ETF1: variants seen among roughly 807,000 people sequenced by gnomAD.
ETF1 encodes eukaryotic translation termination factor 1.
ETF1 carries 4 observed loss-of-function variants against 55.1 expected under a neutral mutation model. That is an observed-to-expected ratio of 0.07 (90% CI 0.04 to 0.17). The LOEUF (loss-of-function observed/expected upper bound fraction) is 0.17. ETF1 is among the 10% of genes least tolerant of loss of function. ETF1 has a pLI of 1.00. For synonymous variants in ETF1, 157 were observed against 182.3 expected (o/e 0.86, Z 1.12); for missense variants, 142 against 523.6 (o/e 0.27, Z 7.11).
At chr5:138,508,556 C>T in intron 10 of ETF1, 113 bp downstream of exon 10, 5 of 1,557,350 alleles carry the variant, frequency 3.2e-6, no homozygotes, top group Non-Finnish European at 4.3e-6. Flanking sequence ...CTGCGTCAAT[C>T]ACCTATCCCA....
chr5:138,532,821 G>C (rs1361170548), intron 2 of ETF1, among the ~76,000 whole-genome samples: 6 of 152,160 alleles, frequency 3.9e-5, no homozygotes, highest in African/African-American at 1.4e-4. Flanking sequence ...TGTGGCATGA[G>C]TTCAGTATTC....
At chr5:138,517,505 T>C (rs778345248) in intron 4 of ETF1, 56 bp downstream of exon 4, 10 of 1,120,310 alleles carry the variant, frequency 8.9e-6, no homozygotes, top group Non-Finnish European at 1.3e-5. Flanking sequence ...TGACTGCTAA[T>C]GGGTACGGGG....
rs866327065 is a variant in ETF1, at chr5:138,509,905, A to C, written c.1083+660T>G. On this transcript the variant is annotated intron_variant, in intron 9 of 10. Transcript: ENST00000360541. ...AGCAAACTCCACCTCAAAAAAAAAA[A>C]AAAAAAAAAAAGGGAATGAGGGCTT... Among the ~76,000 whole-genome samples the C allele has an allele frequency of 1.1e-3, 167 of 151,064 alleles. 5 individuals are homozygous for C. In the South Asian group the frequency reaches 0.034, roughly 30 times the overall value.
At chr5:138,536,255 G>T (rs998675450) in intron 2 of ETF1, among the ~76,000 whole-genome samples, 1 of 152,184 alleles carries the variant, frequency 6.6e-6, no homozygotes, top group South Asian at 2.1e-4. Flanking sequence ...GATCTTAGAA[G>T]AACAAATGAA....
At position 138,524,849 on chromosome 5, in the gene ETF1, T is replaced by G. The variant is rs1169053865; in HGVS notation, c.87-5982A>C. Among the ~76,000 whole-genome samples, 4 of 152,168 alleles carry G rather than the reference T, an allele frequency of 2.6e-5. No individual in the cohort carries two copies. The East Asian group carries it at 7.8e-4, about 30-fold the overall frequency. ...CCTTGGCCTCCCAAAGTGCTGGGATTACAGGCATGAGCCACCGTGCCCGGC... is the reference window on the plus strand; with the variant it reads ...CCTTGGCCTCCCAAAGTGCTGGGATGACAGGCATGAGCCACCGTGCCCGGC... On this transcript the variant is annotated intron_variant, in intron 2 of 10. Coordinates refer to ENST00000360541, the MANE Select transcript of ETF1 (RefSeq NM_004730.4).
At chr5:138,513,778 T>C in intron 4 of ETF1, 72 bp from the exon 5 acceptor site, 2 of 1,527,190 alleles carry the variant, frequency 1.3e-6, no homozygotes, top group Non-Finnish European at 1.8e-6. Context: ...TCTGAAAGGA[T>C]ATATACAAGC....
At chr5:138,535,223 T>C (rs1417515517) in intron 2 of ETF1, among the ~76,000 whole-genome samples, 1 of 152,058 alleles carries the variant, frequency 6.6e-6, no homozygotes, top group Non-Finnish European at 1.5e-5. Flanking sequence ...GTACTGGGAT[T>C]ACAGGCATGA....
In ETF1 at chr5:138,508,274, A is replaced by T. The variant is rs762726003; in HGVS notation, c.*31T>A. ...TCCTTGGGTTGGATGCTGGAGGGTGAGGCACGTTTTGCCGGACCCATGTCG... is the reference window on the plus strand; with the variant it reads ...TCCTTGGGTTGGATGCTGGAGGGTGTGGCACGTTTTGCCGGACCCATGTCG... On this transcript the variant is annotated 3_prime_UTR_variant, in exon 11 of 11. Transcript: ENST00000360541. 6.2e-7 allele frequency: 1 copy of T among 1,607,664 alleles called. No homozygotes were observed. Among genetic ancestry groups the T allele is most frequent in the African/African-American group, 1.3e-5 (1 of 74,822 alleles).
Position 138,510,584 on chromosome 5 carries a change from G to C in ETF1, c.1064C>G (p.Ser355Cys). 1 of 1,610,852 alleles carries C rather than the reference G, an allele frequency of 6.2e-7. No homozygotes were observed. Among genetic ancestry groups the C allele is most frequent in the Non-Finnish European group, 8.5e-7 (1 of 1,177,158 alleles). ...YLTPEQEKDK[S>C]HFTDKETGQE... is the part of the protein sequence containing the mutation. ...ACATACCTCTTTGTCTGTGAAATGA[G>C]ATTTATCCTTTTCTTGCTCTGGAGT... is the stretch of plus-strand genomic sequence containing the variant. Residue 355 changes from serine to cysteine, a missense_variant, in exon 9 of 11, where the codon TCT becomes TGT. Physicochemically the swap from Ser to Cys is moderately radical, Grantham distance 112. Coordinates refer to ENST00000360541, the MANE Select transcript of ETF1 (RefSeq NM_004730.4).
intron 4 of ETF1, 30 bp downstream of exon 4, chr5:138,517,531 G>T: frequency 2.1e-6 from 3 of 1,417,534 alleles, no homozygotes; most frequent in East Asian, 2.4e-5. Context: ...ATTCTGGAGC[G>T]ATGAAAATGT....
rs149807719 is a variant in ETF1, at chr5:138,536,947, T to G, written c.86+5886A>C. Among the ~76,000 whole-genome samples the G allele has an allele frequency of 4.6e-5, 7 of 152,320 alleles. No homozygotes were observed. In the East Asian group the frequency reaches 1.3e-3, roughly 29 times the overall value. On this transcript the variant is annotated intron_variant, in intron 2 of 10. Coordinates refer to ENST00000360541, the MANE Select transcript of ETF1 (RefSeq NM_004730.4). ...CTTAAATGATACTCTAATTATGTAC[T>G]CTTGCTTACCTTGCAATATGTCCAG...
chr5:138,536,232 T>A (rs1021066696), intron 2 of ETF1, among the ~76,000 whole-genome samples: 1 of 152,226 alleles, frequency 6.6e-6, no homozygotes, highest in East Asian at 1.9e-4. Flanking sequence ...ACTATGATCA[T>A]TCTTCTAAAG....
chr5:138,522,598 C>CA (rs1765278415), intron 2 of ETF1, among the ~76,000 whole-genome samples: 2 of 150,606 alleles, frequency 1.3e-5, no homozygotes, highest in South Asian at 4.2e-4. Context: ...AAAAACAAAA[C>CA]AAACGAAAAA....
intron 2 of ETF1, among the ~76,000 whole-genome samples, chr5:138,534,072 C>T (rs1055962210): frequency 1.1e-4 from 16 of 152,256 alleles, no homozygotes; most frequent in Admixed American, 8.5e-4. Flanking sequence ...GAGTCAGATG[C>T]TATTACCAAA....
At position 138,512,793 on chromosome 5, in the gene ETF1, C is replaced by T; in HGVS notation, c.703G>A (p.Glu235Lys). The change falls in exon 6 of 11, where the codon GAA becomes AAA. Residue 235 changes from glutamate (E) to lysine (K), a missense_variant. This residue lies in a region of ETF1 where 22 missense variants were observed against 158.7 expected (regional missense o/e 0.14). Coordinates refer to ENST00000360541, the MANE Select transcript of ETF1 (RefSeq NM_004730.4). The stretch of plus-strand genomic sequence containing the variant: ...TCAAACATATCAGATTGACTTAGTT[C>T]AGTTTTAAAGTCAGCGGATCCAGCT... ...VLAGSADFKTELSQSDMFDQR... is the reference protein window; with the variant it reads ...VLAGSADFKTKLSQSDMFDQR... 2 of 1,596,036 alleles carry T rather than the reference C, an allele frequency of 1.3e-6. No individual in the cohort carries two copies. Among genetic ancestry groups the T allele is most frequent in the Non-Finnish European group, 1.7e-6 (2 of 1,173,978 alleles).
At chr5:138,523,666 G>A (rs1765332856) in intron 2 of ETF1, among the ~76,000 whole-genome samples, 2 of 152,202 alleles carry the variant, frequency 1.3e-5, no homozygotes, top group African/African-American at 4.8e-5. Flanking sequence ...ATTGTTAAAG[G>A]GTACAGGGAT....
At chr5:138,523,195 C>T (rs959898701) in intron 2 of ETF1, among the ~76,000 whole-genome samples, 6 of 151,862 alleles carry the variant, frequency 4.0e-5, no homozygotes, top group Non-Finnish European at 7.4e-5. Context: ...GGTGAAACCC[C>T]GTCTCTACTA....
intron 2 of ETF1, among the ~76,000 whole-genome samples, chr5:138,524,931 AT>A (rs1765405807): frequency 2.1e-5 from 3 of 145,572 alleles, no homozygotes; most frequent in African/African-American, 2.5e-5. Flanking sequence ...TCTTTTTTAC[AT>A]TTTTGGAAGT....
chr5:138,542,804 G>A, intron 2 of ETF1, 29 bp downstream of exon 2: 2 of 1,610,062 alleles, frequency 1.2e-6, no homozygotes, highest in Non-Finnish European at 8.5e-7. Context: ...AACCAAGAGG[G>A]CACGGAGGGT....
Sources: gnomAD v4.1 joint callset for allele counts (sites outside exome capture counted in the v4.1 genomes callset) on GRCh38, gnomAD v4.1.1 for gene constraint, gnomAD v4.1.1 regional missense constraint, MANE v1.5 for transcripts, NCBI Gene and HGNC (gene_info 2026-07-23, HGNC 2026-07-21) for gene names.